The following NFIB variants were observed in gnomAD, a reference collection of about 807,000 sequenced individuals.
NFIB encodes the protein nuclear factor I B, also known as nuclear factor 1 B-type.
Under a neutral mutation model 61.5 loss-of-function variants are expected in NFIB, and 11 were observed. The observed-to-expected ratio is 0.18, with a 90% CI of 0.11 to 0.30. NFIB has a LOEUF of 0.30. Ranked by LOEUF, NFIB falls within the 10% of genes least tolerant of loss-of-function variation. The pLI, the probability that NFIB is intolerant of heterozygous loss-of-function variation, is 1.00. For missense variants in NFIB, 471 were observed against 608.9 expected, an observed-to-expected ratio of 0.77 and a Z score of 2.38; for synonymous variants, 260 against 216.5, an observed-to-expected ratio of 1.20 and a Z score of -1.76.
chr9:14,367,205 G>A (rs529626772), intron 1 of NFIB, among the ~76,000 whole-genome samples: 1 of 152,126 alleles, frequency 6.6e-6, no homozygotes, highest in Non-Finnish European at 1.5e-5. Flanking sequence ...CTTTCAAGGA[G>A]TGTCAGGTCT....
At chr9:14,360,631 G>A (rs989835580) in intron 1 of NFIB, among the ~76,000 whole-genome samples, 2 of 150,450 alleles carry the variant, frequency 1.3e-5, no homozygotes, top group African/African-American at 4.9e-5. Context: ...TGCAAGCTCC[G>A]CCTCCCGGGC....
At chr9:14,153,672 C>A (rs1205376006) in intron 4 of NFIB, among the ~76,000 whole-genome samples, 1 of 152,104 alleles carries the variant, frequency 6.6e-6, no homozygotes, top group African/African-American at 2.4e-5. Flanking sequence ...AGTCAACATA[C>A]ACATCAGTGG....
At position 14,146,781 on chromosome 9, in the gene NFIB, T is replaced by C; in HGVS notation, c.833A>G (p.Asp278Gly). 3 of 1,604,194 alleles carry C rather than the reference T, an allele frequency of 1.9e-6. No individual in the cohort carries two copies. Among genetic ancestry groups the C allele is most frequent in the Non-Finnish European group, 2.5e-6 (3 of 1,177,602 alleles). ...TGTAGGACTTGGTTCCATATTTTCA[T>C]CTATGGATATAGTTTTGGGTCTTTT... is the stretch of plus-strand genomic sequence containing the variant. ...SSKRPKTISI[D>G]ENMEPSPTGD... is the part of the protein sequence containing the mutation. Residue 278 changes from aspartate (D) to glycine (G), a missense_variant, in exon 6 of 11, where the codon GAT (aspartate) becomes GGT (glycine). Physicochemically the swap from Asp to Gly is moderately conservative, Grantham distance 94. Around this residue, in one of 2 missense-constraint regions of NFIB, gnomAD observed 372 missense variants for 395.6 expected, o/e 0.94. Transcript: ENST00000380953.
At chr9:14,491,251 T>A in the NFIB span, among the ~76,000 whole-genome samples, 1 of 152,156 alleles carries the variant, frequency 6.6e-6, no homozygotes, top group African/African-American at 2.4e-5. Flanking sequence ...GCACCCTGTG[T>A]TAGCTACAAT....
intron 2 of NFIB, among the ~76,000 whole-genome samples, chr9:14,182,432 T>C (rs552589392): frequency 6.6e-6 from 1 of 152,306 alleles, no homozygotes; most frequent in South Asian, 2.1e-4. Context: ...CTGTAAATTC[T>C]AACACTATAA....
At chr9:14,122,489 T>A (rs959162909) in intron 7 of NFIB, among the ~76,000 whole-genome samples, 1 of 152,214 alleles carries the variant, frequency 6.6e-6, no homozygotes, top group African/African-American at 2.4e-5. Context: ...GCATCCTCCA[T>A]CAAATGTATG....
intron 2 of NFIB, among the ~76,000 whole-genome samples, chr9:14,251,318 T>A (rs1186123365): frequency 2.0e-5 from 3 of 152,192 alleles, no homozygotes; most frequent in Admixed American, 2.0e-4. Context: ...AGAGTTAATC[T>A]TTAGCAACTC....
intron 10 of NFIB, among the ~76,000 whole-genome samples, chr9:14,105,527 T>G (rs964658719): frequency 6.6e-6 from 1 of 152,264 alleles, no homozygotes; most frequent in East Asian, 1.9e-4. Flanking sequence ...TCATGTTGGT[T>G]TTTTTCAATT....
At chr9:14,466,456 G>T in the NFIB span, among the ~76,000 whole-genome samples, 12 of 152,210 alleles carry the variant, frequency 7.9e-5, no homozygotes, top group South Asian at 2.5e-3. Context: ...ACCATCCTCT[G>T]GGCTCTGCGT....
rs1323719016 is a variant in NFIB, at chr9:14,313,953, G to GGGGCGCGGGA, written c.-452_-443dup. 2.3e-5 allele frequency: 24 copies of GGGGCGCGGGA among 1,064,832 alleles called. No individual in the cohort carries two copies. Among genetic ancestry groups the GGGGCGCGGGA allele is most frequent in the Non-Finnish European group, 2.3e-5 (20 of 880,608 alleles). The allele number at this position is 1,064,832 out of a possible 1,614,324, so 66.0% of individuals were successfully genotyped here. A position where few individuals can be genotyped will look rare whatever the true frequency, so the allele number is the denominator to read the frequency against. ...TGCTTTTTCAAAAAAGGCGGGGAGG[G>GGGGCGCGGGA]GGGCGCGGGAGGGCGCAGGAGGGCG... On this transcript the variant is annotated 5_prime_UTR_variant, in exon 1 of 11. Coordinates refer to ENST00000380953, the MANE Select transcript of NFIB (RefSeq NM_001190737.2). This position sits in a 1 kb window ranked among gnomAD's most constrained non-coding sequence, Gnocchi z 4.5.
At chr9:14,136,282 G>A (rs533536900) in intron 6 of NFIB, among the ~76,000 whole-genome samples, 2 of 152,248 alleles carry the variant, frequency 1.3e-5, no homozygotes, top group Admixed American at 6.5e-5. Context: ...ATTTGAAAGA[G>A]AGAAAAAACA....
intron 1 of NFIB, among the ~76,000 whole-genome samples, chr9:14,342,266 G>C (rs1193390903): frequency 1.3e-5 from 2 of 152,182 alleles, no homozygotes; most frequent in Non-Finnish European, 2.9e-5. Flanking sequence ...GGCAGCATTT[G>C]GCTTAGAAAG....
At chr9:14,122,181 T>A (rs1054270652) in intron 7 of NFIB, among the ~76,000 whole-genome samples, 4 of 4,642 alleles carry the variant, frequency 8.6e-4, no homozygotes, top group Non-Finnish European at 9.1e-4. Context: ...ACTATGTGGG[T>A]GGGGGGGTGG....
chr9:14,336,451 A>T (rs1588327652), intron 1 of NFIB, among the ~76,000 whole-genome samples: 1 of 152,228 alleles, frequency 6.6e-6, no homozygotes, highest in Non-Finnish European at 1.5e-5. Flanking sequence ...GCCTGGGGAA[A>T]CCCAGGTGGA....
the NFIB span, among the ~76,000 whole-genome samples, chr9:14,437,479 C>A: frequency 6.6e-6 from 1 of 152,140 alleles, no homozygotes; most frequent in African/African-American, 2.4e-5. Context: ...TGAATTCATC[C>A]CCAAAGATTG....
chr9:14,477,756 C>T, the NFIB span, among the ~76,000 whole-genome samples: 5 of 152,264 alleles, frequency 3.3e-5, no homozygotes, highest in South Asian at 4.1e-4. Flanking sequence ...AAGTGGAGAA[C>T]GTATTCAGAA....
At chr9:14,444,658 T>G in the NFIB span, among the ~76,000 whole-genome samples, 1 of 152,202 alleles carries the variant, frequency 6.6e-6, no homozygotes, top group Non-Finnish European at 1.5e-5. Flanking sequence ...CACTTCCTTA[T>G]CCAGCCATTT....
chr9:14,347,742 G>A (rs2061047791), intron 1 of NFIB, among the ~76,000 whole-genome samples: 2 of 152,142 alleles, frequency 1.3e-5, no homozygotes, highest in Admixed American at 6.5e-5. Flanking sequence ...GACAAGGCAG[G>A]GCCAGGAGTT....
At chr9:14,147,648 T>TC (rs2042412242) in intron 5 of NFIB, among the ~76,000 whole-genome samples, 1 of 145,690 alleles carries the variant, frequency 6.9e-6, no homozygotes, top group Non-Finnish European at 1.5e-5. Flanking sequence ...TTTTTTTTTT[T>TC]TTTTTTTTTG....
Sources: gnomAD v4.1 joint callset for allele counts (sites outside exome capture counted in the v4.1 genomes callset) on GRCh38, gnomAD v4.1.1 for gene constraint, gnomAD v4.1.1 regional missense constraint, Gnocchi (gnomAD v3.1) non-coding constraint, MANE v1.5 for transcripts, NCBI Gene and HGNC (gene_info 2026-07-23, HGNC 2026-07-21) for gene names.